COL23A1: variants seen among roughly 807,000 people sequenced by gnomAD.
COL23A1 encodes the protein collagen type XXIII alpha 1 chain, also known as collagen alpha-1(XXIII) chain.
A neutral mutation model predicts 99.3 loss-of-function variants in COL23A1; 97 were observed. The ratio of observed to expected loss-of-function variants is 0.98; its 90% confidence interval spans 0.83 to 1.16. The LOEUF (loss-of-function observed/expected upper bound fraction) is 1.16. Ranked by LOEUF, COL23A1 falls within the 50% of genes most tolerant of loss-of-function variation. The pLI, the probability that COL23A1 is intolerant of heterozygous loss-of-function variation, is 0.00. For synonymous variants in COL23A1, 320 were observed against 308.2 expected (o/e 1.04, Z -0.40); for missense variants, 762 against 757.4 (o/e 1.01, Z -0.07).
At chr5:178,359,354 G>A (rs1217217201) in intron 2 of COL23A1, among the ~76,000 whole-genome samples, 1 of 152,114 alleles carries the variant, frequency 6.6e-6, no homozygotes, top group Non-Finnish European at 1.5e-5. Flanking sequence ...GTGACATCCC[G>A]TTTCTACTAA....
At chr5:178,262,400 C>G in intron 9 of COL23A1, 148 bp from the exon 10 acceptor site, 1 of 719,780 alleles carries the variant, frequency 1.4e-6, no homozygotes, top group Non-Finnish European at 2.3e-6. Context: ...TCACTGTCCC[C>G]ACTCCACAGA....
At chr5:178,503,348 CA>C (rs567595781) in intron 2 of COL23A1, among the ~76,000 whole-genome samples, 3 of 148,086 alleles carry the variant, frequency 2.0e-5, no homozygotes, top group Non-Finnish European at 3.0e-5. Context: ...ACTCTGTCTC[CA>C]AAAAAAAACA....
intron 2 of COL23A1, among the ~76,000 whole-genome samples, chr5:178,353,257 T>TA (rs11452320): frequency 0.48 from 72,372 of 150,996 alleles, 17,473 homozygotes; most frequent in Middle Eastern, 0.64. Context: ...ATAACAGTAG[T>TA]AAAAAAAAAG....
rs376142068 is a variant in COL23A1, at chr5:178,425,796, T to C, written c.362-118877A>G. ...CTTGCTATCTGCTCTCGGCTTTTACTTGGAAAGATGCTTTGATATTGACTA... is the reference window on the plus strand; with the variant it reads ...CTTGCTATCTGCTCTCGGCTTTTACCTGGAAAGATGCTTTGATATTGACTA... On this transcript the variant is annotated intron_variant, in intron 2 of 28. Transcript: ENST00000390654. Among the ~76,000 whole-genome samples, 7 of 152,356 alleles carry C rather than the reference T, an allele frequency of 4.6e-5. 1 individual carries two copies. In the South Asian group the frequency reaches 1.2e-3, roughly 27 times the overall value.
intron 2 of COL23A1, among the ~76,000 whole-genome samples, chr5:178,515,711 A>G (rs1422370259): frequency 6.6e-6 from 1 of 152,082 alleles, no homozygotes; most frequent in Non-Finnish European, 1.5e-5. Flanking sequence ...CTCTGCGGCT[A>G]CAGAGCCCTC....
chr5:178,572,028 A>G (rs1178882125), intron 1 of COL23A1, among the ~76,000 whole-genome samples: 6 of 142,078 alleles, frequency 4.2e-5, no homozygotes, highest in Admixed American at 7.6e-5. Flanking sequence ...AGATTGCGCC[A>G]CTGCACTCCA....
At chr5:178,534,546 C>A (rs529832) in intron 2 of COL23A1, among the ~76,000 whole-genome samples, 1 of 151,890 alleles carries the variant, frequency 6.6e-6, no homozygotes, top group South Asian at 2.1e-4. Flanking sequence ...TTTGGGAGGC[C>A]AAGGCGGGCA....
rs878974198 is a variant in COL23A1 at position 178,255,265 on chromosome 5, T to G, written c.883-239A>C. ...GCTGTAATTGCCCTCACGTGGGCAT[T>G]CAGGCCTGACCCCTGAGTTCTCGGG... is the stretch of plus-strand genomic sequence containing the variant. On this transcript the variant is annotated intron_variant, in intron 15 of 28. Transcript: ENST00000390654. This position sits in a 1 kb window ranked among gnomAD's most constrained non-coding sequence, Gnocchi z 4.2. Among the ~76,000 whole-genome samples the G allele has an allele frequency of 4.0e-5, 6 of 151,834 alleles. No homozygotes were observed. The highest frequency in any genetic ancestry group is 5.9e-5 in the Non-Finnish European group (4 of 67,938).
chr5:178,528,264 C>T (rs566521740), intron 2 of COL23A1, among the ~76,000 whole-genome samples: 25 of 152,316 alleles, frequency 1.6e-4, no homozygotes, highest in African/African-American at 5.8e-4. Context: ...CTCACGATCA[C>T]TCATTCACCC....
At chr5:178,381,366 T>C (rs575259040) in intron 2 of COL23A1, among the ~76,000 whole-genome samples, 2 of 152,060 alleles carry the variant, frequency 1.3e-5, no homozygotes, top group Non-Finnish European at 2.9e-5. Flanking sequence ...ACGATGGCCA[T>C]GGGGATGGCG....
intron 2 of COL23A1, among the ~76,000 whole-genome samples, chr5:178,457,289 C>A (rs981845949): frequency 6.6e-6 from 1 of 152,214 alleles, no homozygotes; most frequent in African/African-American, 2.4e-5. Context: ...TCTCGGCTCA[C>A]TGCAGCCCCT....
At chr5:178,532,911 G>C (rs1760729673) in intron 2 of COL23A1, among the ~76,000 whole-genome samples, 1 of 152,166 alleles carries the variant, frequency 6.6e-6, no homozygotes, top group Non-Finnish European at 1.5e-5. Flanking sequence ...CGCTGGCCCT[G>C]ATCACAGACC....
chr5:178,530,959 C>T (rs1472432442), intron 2 of COL23A1, among the ~76,000 whole-genome samples: 1 of 152,212 alleles, frequency 6.6e-6, no homozygotes, highest in Non-Finnish European at 1.5e-5. Context: ...CCTCCATCTC[C>T]TGGGTTCATG....
intron 2 of COL23A1, among the ~76,000 whole-genome samples, chr5:178,418,370 A>T (rs1765422277): frequency 6.6e-6 from 1 of 152,242 alleles, no homozygotes. Flanking sequence ...TAAGGCTTGA[A>T]GTTCCTCCAT....
intron 2 of COL23A1, among the ~76,000 whole-genome samples, chr5:178,408,171 C>T (rs1764860078): frequency 6.6e-6 from 1 of 152,170 alleles, no homozygotes; most frequent in Non-Finnish European, 1.5e-5. Flanking sequence ...AAGGAAGTGG[C>T]AAACATTTTT....
In COL23A1 at chr5:178,313,965, A is replaced by G. The variant is rs1042832164; in HGVS notation, c.362-7046T>C. ...CAACCTCAGAGCTGAAAACTGCCCAACAAGGGAGCATTCTCTCTGCACATT... is the reference window on the plus strand; with the variant it reads ...CAACCTCAGAGCTGAAAACTGCCCAGCAAGGGAGCATTCTCTCTGCACATT... On this transcript the variant is annotated intron_variant, in intron 2 of 28. Transcript: ENST00000390654. This position sits in a 1 kb window ranked among gnomAD's most constrained non-coding sequence, Gnocchi z 4.2. Among the ~76,000 whole-genome samples the G allele has an allele frequency of 6.6e-6, 1 of 152,032 alleles. No homozygotes were observed. The highest frequency in any genetic ancestry group is 1.5e-5 in the Non-Finnish European group (1 of 67,996).
At chr5:178,485,961 C>T (rs748481231) in intron 2 of COL23A1, among the ~76,000 whole-genome samples, 2 of 152,052 alleles carry the variant, frequency 1.3e-5, no homozygotes, top group Non-Finnish European at 2.9e-5. Flanking sequence ...AAAAAAGAAT[C>T]GCAGCTGCAA....
At chr5:178,250,240 C>T in intron 17 of COL23A1, 135 bp from the exon 18 acceptor site, 2 of 847,456 alleles carry the variant, frequency 2.4e-6, no homozygotes, top group Non-Finnish European at 3.8e-6. Context: ...GTGCCAGGAC[C>T]CACCGCCTCC....
chr5:178,358,691 GTATGTA>G (rs1761996762), intron 2 of COL23A1, among the ~76,000 whole-genome samples: 3 of 146,298 alleles, frequency 2.1e-5, no homozygotes, highest in Admixed American at 6.9e-5. Context: ...GTATGTGTGT[GTATGTA>G]TGTGTATGTG....
Sources: allele counts gnomAD v4.1 joint callset (sites outside exome capture counted in the v4.1 genomes callset), GRCh38; gene constraint gnomAD v4.1.1; non-coding constraint Gnocchi (gnomAD v3.1); transcripts MANE v1.5; gene names NCBI Gene and HGNC (gene_info 2026-07-23, HGNC 2026-07-21).